The following KCNAB1 variants were observed in gnomAD, a reference collection of about 807,000 sequenced individuals.
The protein encoded by KCNAB1 is voltage-gated potassium channel subunit beta-1.
A neutral mutation model predicts 64.6 loss-of-function variants in KCNAB1; 35 were observed. The observed-to-expected ratio is 0.54, with a 90% CI of 0.41 to 0.72. The LOEUF is 0.72. Among genes scored for constraint, KCNAB1 ranks in the 30% least tolerant of loss-of-function variants. The pLI is 0.00. For missense variants in KCNAB1, 401 were observed against 512.9 expected (o/e 0.78, Z 2.11); for synonymous variants, 177 against 183.8 (o/e 0.96, Z 0.30).
intron 12 of KCNAB1, 191 bp downstream of exon 12, chr3:156,524,138 T>C: frequency 1.8e-6 from 1 of 544,190 alleles, no homozygotes; most frequent in Non-Finnish European, 3.1e-6. Context: ...ATAGCAAATT[T>C]TTCTTACTTC....
chr3:156,325,614 C>T (rs907104316), intron 1 of KCNAB1, among the ~76,000 whole-genome samples: 5 of 151,290 alleles, frequency 3.3e-5, no homozygotes, highest in East Asian at 1.9e-4. Flanking sequence ...AGAATGTAAG[C>T]GTTCAGCATA....
intron 1 of KCNAB1, among the ~76,000 whole-genome samples, chr3:156,157,846 A>AT (rs1715812744): frequency 1.3e-5 from 2 of 152,010 alleles, no homozygotes; most frequent in South Asian, 4.2e-4. Context: ...AAGGTGGATT[A>AT]TTTTTTTTCC....
At chr3:156,350,458 G>T (rs1724781015) in intron 1 of KCNAB1, among the ~76,000 whole-genome samples, 1 of 149,458 alleles carries the variant, frequency 6.7e-6, no homozygotes, top group African/African-American at 2.5e-5. Flanking sequence ...AATGTGGGAA[G>T]TTTGCACCAC....
intron 1 of KCNAB1, among the ~76,000 whole-genome samples, chr3:156,379,274 A>G (rs1173702096): frequency 6.6e-6 from 1 of 152,226 alleles, no homozygotes; most frequent in African/African-American, 2.4e-5. Context: ...ACATAGCAAT[A>G]AACAAATCCA....
At position 156,158,182 on chromosome 3, in the gene KCNAB1, ATAAAT is replaced by A. The variant is rs1392256740; in HGVS notation, c.275+37297_275+37301del. On this transcript the variant is annotated intron_variant, in intron 1 of 13. Transcript: ENST00000490337. Reference sequence around the variant, plus strand: ...TCTGTCTCAAAAAAAAAAATAAAAAATAAATAAATAAATAAATAAATAAATAAATA... The same window carrying A: ...TCTGTCTCAAAAAAAAAAATAAAAAAAAATAAATAAATAAATAAATAAATA... Among the ~76,000 whole-genome samples the A allele has an allele frequency of 5.3e-3, 270 of 51,064 alleles. 8 individuals carry two copies. Among genetic ancestry groups the A allele is most frequent in the East Asian group, 0.015 (24 of 1,560 alleles). 33.5% of individuals were successfully genotyped at this position (51,064 alleles called of 152,430 possible). A position where few individuals can be genotyped will look rare whatever the true frequency, so the allele number is the denominator to read the frequency against.
At chr3:156,516,533 G>A (rs1717578719) in intron 11 of KCNAB1, among the ~76,000 whole-genome samples, 169 bp downstream of exon 11, 1 of 152,216 alleles carries the variant, frequency 6.6e-6, no homozygotes, top group Non-Finnish European at 1.5e-5. Flanking sequence ...TTGGCTCCTG[G>A]CCAGGTATCA....
At chr3:156,314,094 A>G (rs1416801607) in intron 1 of KCNAB1, among the ~76,000 whole-genome samples, 1 of 152,230 alleles carries the variant, frequency 6.6e-6, no homozygotes, top group Non-Finnish European at 1.5e-5. Flanking sequence ...CTGCCAATTC[A>G]TTAGTAAACT....
chr3:156,443,739 TACACACACACACACACACACACACACAC>T (rs71141708), intron 2 of KCNAB1, among the ~76,000 whole-genome samples: 2 of 141,842 alleles, frequency 1.4e-5, no homozygotes, highest in East Asian at 4.1e-4. Context: ...ATTTAGTCCT[TACACACACACACACACACACACACACAC>T]ACACACACAC....
intron 8 of KCNAB1, among the ~76,000 whole-genome samples, chr3:156,505,803 T>G (rs1405919170): frequency 3.3e-5 from 5 of 151,896 alleles, no homozygotes; most frequent in African/African-American, 1.2e-4. Flanking sequence ...GGTGGAAGGC[T>G]AAGAGGGGGA....
intron 1 of KCNAB1, among the ~76,000 whole-genome samples, chr3:156,386,839 G>A (rs1712632137): frequency 6.6e-6 from 1 of 152,128 alleles, no homozygotes; most frequent in Non-Finnish European, 1.5e-5. Context: ...CAGTCTTGGA[G>A]CAAATGGGAG....
chr3:156,221,316 T>TAAAAA (rs1715716494), intron 1 of KCNAB1, among the ~76,000 whole-genome samples: 2 of 152,176 alleles, frequency 1.3e-5, no homozygotes, highest in Admixed American at 6.5e-5. Context: ...CCTTAGGCAG[T>TAAAAA]ATGGCCATTT....
At chr3:156,384,386 GCTGAAAA>G (rs1377829150) in intron 1 of KCNAB1, among the ~76,000 whole-genome samples, 2 of 152,162 alleles carry the variant, frequency 1.3e-5, no homozygotes, top group Non-Finnish European at 2.9e-5. Context: ...AGAATGATTT[GCTGAAAA>G]GCCCGATTTT....
At chr3:156,444,588 CT>C (rs1717262966) in intron 2 of KCNAB1, among the ~76,000 whole-genome samples, 1 of 152,188 alleles carries the variant, frequency 6.6e-6, no homozygotes, top group Admixed American at 6.5e-5. Flanking sequence ...GCCTTTTATT[CT>C]AGGCCTCACC....
Position 156,538,460 on chromosome 3 carries a change from A to AAT in KCNAB1, c.*1714_*1715dup, listed in dbSNP as rs1719219278. The AAT allele has an allele frequency of 6.6e-6, 1 of 152,212 alleles. No homozygotes were observed. Among genetic ancestry groups the AAT allele is most frequent in the African/African-American group, 2.4e-5 (1 of 41,458 alleles). 9.4% of individuals were successfully genotyped at this position (152,212 alleles called of 1,614,324 possible). A position where few individuals can be genotyped will look rare whatever the true frequency, so the allele number is the denominator to read the frequency against. ...TTGCCCGTGTTATCAGAATGATGGA[A>AAT]ATTGATCATTTTCAGTTGTTCATTG... On this transcript the variant is annotated 3_prime_UTR_variant, in exon 14 of 14. Coordinates refer to ENST00000490337, the MANE Select transcript of KCNAB1 (RefSeq NM_172160.3).
chr3:156,134,562 TA>T (rs974328093), intron 1 of KCNAB1, among the ~76,000 whole-genome samples: 1 of 152,212 alleles, frequency 6.6e-6, no homozygotes, highest in Admixed American at 6.5e-5. Context: ...GAAAGGTTTC[TA>T]AAAAAGGTGA....
chr3:156,162,542 C>T (rs774633401), intron 1 of KCNAB1, among the ~76,000 whole-genome samples: 3 of 152,092 alleles, frequency 2.0e-5, no homozygotes, highest in African/African-American at 2.4e-5. Context: ...GAGAGAATCA[C>T]GGATGTTACT....
intron 1 of KCNAB1, among the ~76,000 whole-genome samples, chr3:156,132,399 A>G (rs917706509): frequency 6.6e-6 from 1 of 152,226 alleles, no homozygotes; most frequent in African/African-American, 2.4e-5. Flanking sequence ...ATGTCAGTCT[A>G]TGAGCATCAG....
intron 2 of KCNAB1, among the ~76,000 whole-genome samples, chr3:156,440,088 A>G (rs1576868437): frequency 1.3e-5 from 2 of 152,220 alleles, no homozygotes; most frequent in East Asian, 1.9e-4. Context: ...GAATTCAATC[A>G]TTCATATAAC....
chr3:156,198,765 G>T (rs915976365), intron 1 of KCNAB1, among the ~76,000 whole-genome samples: 3 of 151,312 alleles, frequency 2.0e-5, no homozygotes, highest in African/African-American at 7.3e-5. Flanking sequence ...TTGCCAGTCT[G>T]TGTCTTTTAA....
Sources: allele counts gnomAD v4.1 joint callset (sites outside exome capture counted in the v4.1 genomes callset), GRCh38; gene constraint gnomAD v4.1.1; transcripts MANE v1.5; gene names NCBI Gene and HGNC (gene_info 2026-07-23, HGNC 2026-07-21).